The following CERS3 variants were observed in gnomAD, a reference collection of about 807,000 sequenced individuals.
The protein encoded by CERS3 is LAG1 homolog, ceramide synthase 3.
A neutral mutation model predicts 50.3 loss-of-function variants in CERS3; 33 were observed. The ratio of observed to expected loss-of-function variants is 0.66; its 90% confidence interval spans 0.50 to 0.88. The LOEUF is 0.88. Ranked by LOEUF, CERS3 falls within the 40% of genes least tolerant of loss-of-function variation. The pLI, the probability that CERS3 is intolerant of heterozygous loss-of-function variation, is 0.00. For missense variants in CERS3, 470 were observed against 460.3 expected, an observed-to-expected ratio of 1.02 and a Z score of -0.19; for synonymous variants, 176 against 155.2, an observed-to-expected ratio of 1.13 and a Z score of -0.99.
Position 100,456,022 on chromosome 15 carries a change from C to T in CERS3, c.870G>A (p.Leu290=). The T allele has an allele frequency of 6.2e-7, 1 of 1,611,266 alleles. No homozygotes were observed. The highest frequency in any genetic ancestry group is 8.5e-7 in the Non-Finnish European group (1 of 1,178,642). ...PFWILYCTLI[L]PMYHLEPFFS... is the part of the protein sequence containing the mutation. ...AGAAAGGCTCGAGGTGATACATAGG[C>T]AAGATCAGCGTGCAATATAAAATCC... The change falls in exon 11 of 12, where the codon TTG becomes TTA. Residue 290 remains leucine (L), a synonymous_variant. Transcript: ENST00000679737.
At chr15:100,497,896 C>CTTTT (rs377191111) in intron 3 of CERS3, among the ~76,000 whole-genome samples, 1 of 63,598 alleles carries the variant, frequency 1.6e-5, no homozygotes, top group East Asian at 4.1e-4. Context: ...CACACACACA[C>CTTTT]TTTTTTTTTT....
chr15:100,535,603 C>T (rs1345131803), intron 1 of CERS3, among the ~76,000 whole-genome samples: 1 of 150,678 alleles, frequency 6.6e-6, no homozygotes, highest in Non-Finnish European at 1.5e-5. Context: ...GGGGATATGC[C>T]TATGCTCATA....
chr15:100,415,879 C>T (rs1417717788), intron 11 of CERS3, among the ~76,000 whole-genome samples: 1 of 151,968 alleles, frequency 6.6e-6, no homozygotes, highest in South Asian at 2.1e-4. Context: ...TTGATAGGTG[C>T]AGCAAACCAC....
At chr15:100,541,366 T>G (rs1227506679) in intron 1 of CERS3, among the ~76,000 whole-genome samples, 1 of 152,068 alleles carries the variant, frequency 6.6e-6, no homozygotes, top group Non-Finnish European at 1.5e-5. Flanking sequence ...CAGCTACTCC[T>G]GAGGCTGAGA....
intron 1 of CERS3, among the ~76,000 whole-genome samples, chr15:100,527,006 C>A (rs1038150302): frequency 1.3e-5 from 2 of 152,052 alleles, no homozygotes; most frequent in African/African-American, 4.8e-5. Context: ...TGAAGAATTG[C>A]ACTGAGGCCA....
At chr15:100,486,228 C>G (rs1397510010) in intron 4 of CERS3, among the ~76,000 whole-genome samples, 4 of 152,196 alleles carry the variant, frequency 2.6e-5, no homozygotes, top group Non-Finnish European at 4.4e-5. Flanking sequence ...AGTCTGTGAC[C>G]AGCCGGATAG....
intron 2 of CERS3, among the ~76,000 whole-genome samples, chr15:100,517,306 C>T (rs2036519908): frequency 6.6e-6 from 1 of 152,232 alleles, no homozygotes; most frequent in Admixed American, 6.5e-5. Context: ...TACATTTCCT[C>T]ATTGATGGCA....
intron 11 of CERS3, among the ~76,000 whole-genome samples, chr15:100,435,917 C>T (rs922949916): frequency 6.6e-6 from 1 of 152,192 alleles, no homozygotes; most frequent in African/African-American, 2.4e-5. Context: ...ATCAAAACCA[C>T]AATGAGATAG....
In CERS3 at chr15:100,455,590, A is replaced by G. The variant is rs185356820; in HGVS notation, c.999+303T>C. 1.1e-3 allele frequency among the ~76,000 whole-genome samples: 160 copies of G among 152,308 alleles called. 1 individual carries two copies. Among genetic ancestry groups the G allele is most frequent in the African/African-American group, 3.6e-3 (150 of 41,572 alleles). ...CACAAATATTACATATCAATAAGCA[A>G]AAGTTTAAAAATTTTCTTCAAGCAT... is the stretch of plus-strand genomic sequence containing the variant. On this transcript the variant is annotated intron_variant, in intron 11 of 11. Coordinates refer to ENST00000679737, the MANE Select transcript of CERS3 (RefSeq NM_001378789.1).
At chr15:100,538,877 C>T (rs147944549) in intron 1 of CERS3, among the ~76,000 whole-genome samples, 137 of 152,306 alleles carry the variant, frequency 9.0e-4, no homozygotes, top group Non-Finnish European at 1.7e-3. Context: ...AGCCTGTATG[C>T]TCTGCAATTC....
At position 100,450,596 on chromosome 15, in the gene CERS3, T is replaced by C. The variant is rs914564191; in HGVS notation, c.999+5297A>G. ...GGGAAACAACTTATTGAACTTTTGG[T>C]GTTTCAGAGGTGAAAATAAAATAAA... is the stretch of plus-strand genomic sequence containing the variant. On this transcript the variant is annotated intron_variant, in intron 11 of 11. Coordinates refer to ENST00000679737, the MANE Select transcript of CERS3 (RefSeq NM_001378789.1). Among the ~76,000 whole-genome samples, 3 of 152,190 alleles carry C rather than the reference T, an allele frequency of 2.0e-5. No individual in the cohort carries two copies. In the East Asian group the frequency reaches 5.8e-4, roughly 29 times the overall value.
intron 11 of CERS3, among the ~76,000 whole-genome samples, chr15:100,431,368 C>T (rs2033123412): frequency 6.6e-6 from 1 of 152,002 alleles, no homozygotes; most frequent in Non-Finnish European, 1.5e-5. Flanking sequence ...TTAAATTCTC[C>T]AGAAAAATGT....
chr15:100,431,497 C>T (rs2088973266), intron 11 of CERS3, among the ~76,000 whole-genome samples: 1 of 152,032 alleles, frequency 6.6e-6, no homozygotes, highest in African/African-American at 2.4e-5. Flanking sequence ...CAAAAGTCCA[C>T]TAATTTTGTA....
At chr15:100,455,808 G>T in intron 11 of CERS3, 85 bp downstream of exon 11, 3 of 831,982 alleles carry the variant, frequency 3.6e-6, no homozygotes, top group Non-Finnish European at 5.1e-6. Context: ...TTAAAACTAT[G>T]AATTAACTTG....
intron 10 of CERS3, among the ~76,000 whole-genome samples, chr15:100,457,329 TC>T (rs2034407713): frequency 6.6e-6 from 1 of 152,220 alleles, no homozygotes; most frequent in Non-Finnish European, 1.5e-5. Flanking sequence ...TGTGATGCTA[TC>T]CCTTTATTGC....
intron 11 of CERS3, among the ~76,000 whole-genome samples, chr15:100,452,141 CAGA>C (rs1165299453): frequency 6.6e-6 from 1 of 150,472 alleles, no homozygotes; most frequent in Non-Finnish European, 1.5e-5. Context: ...CAGACTTTTA[CAGA>C]ACATTTCATC....
chr15:100,504,891 T>C (rs1033734353), intron 2 of CERS3, among the ~76,000 whole-genome samples: 4 of 152,198 alleles, frequency 2.6e-5, no homozygotes, highest in African/African-American at 7.2e-5. Context: ...TAGAGAAATC[T>C]ATTTTGAAGT....
rs560564176 is a variant in CERS3, at chr15:100,496,374, A to G, written c.173+5303T>C. On this transcript the variant is annotated intron_variant, in intron 3 of 11. Transcript: ENST00000679737. ...CAATAGAAAGGAACCACTGATATAC[A>G]TAACATGAAAAAAATCTTAAAAGCA... Among the ~76,000 whole-genome samples, 4 of 152,352 alleles carry G rather than the reference A, an allele frequency of 2.6e-5. No homozygotes were observed. The South Asian group carries it at 8.3e-4, about 32-fold the overall frequency.
intron 11 of CERS3, among the ~76,000 whole-genome samples, chr15:100,442,418 T>C (rs1323631309): frequency 6.6e-6 from 1 of 152,212 alleles, no homozygotes; most frequent in Non-Finnish European, 1.5e-5. Context: ...GGCAGCCAAG[T>C]AACAATGTAT....
Sources: gnomAD v4.1 joint callset for allele counts (sites outside exome capture counted in the v4.1 genomes callset) on GRCh38, gnomAD v4.1.1 for gene constraint, MANE v1.5 for transcripts, NCBI Gene and HGNC (gene_info 2026-07-23, HGNC 2026-07-21) for gene names.